LRP5: variants seen among roughly 807,000 people sequenced by gnomAD.
LRP5 encodes LDL receptor related protein 5.
LRP5 carries 62 observed loss-of-function variants against 154.1 expected under a neutral mutation model. The ratio of observed to expected loss-of-function variants is 0.40; its 90% CI spans 0.33 to 0.50. The LOEUF is 0.50. Ranked by LOEUF, LRP5 falls within the 20% of genes least tolerant of loss-of-function variation. The probability of loss-of-function intolerance (pLI) is 0.55; values close to 1 mark genes in which losing one functional copy is unlikely to be tolerated. For synonymous variants in LRP5, 966 were observed against 1,011.5 expected (o/e 0.96, Z 0.85); for missense variants, 1,915 against 2,336.7 (o/e 0.82, Z 3.72).
chr11:68,341,208 G>A (rs312779), intron 1 of LRP5, among the ~76,000 whole-genome samples: 66,860 of 151,522 alleles, frequency 0.44, 16,303 homozygotes, highest in African/African-American at 0.63. Flanking sequence ...TTCATGATGC[G>A]GCAGTCACCA....
At chr11:68,427,362 C>T (rs2098669366) in intron 16 of LRP5, among the ~76,000 whole-genome samples, 1 of 152,096 alleles carries the variant, frequency 6.6e-6, no homozygotes, top group South Asian at 2.1e-4. Context: ...ATGGTGAGAA[C>T]CCATCCCTAC....
chr11:68,378,718 C>T (rs1165603531), intron 5 of LRP5, among the ~76,000 whole-genome samples: 1 of 152,214 alleles, frequency 6.6e-6, no homozygotes, highest in East Asian at 1.9e-4. Context: ...GTATCTTGTG[C>T]ACCTTTTTTC....
At chr11:68,435,483 G>GGA (rs10634157) in intron 18 of LRP5, among the ~76,000 whole-genome samples, 18 of 150,234 alleles carry the variant, frequency 1.2e-4, no homozygotes, top group South Asian at 1.1e-3. Flanking sequence ...AGGGAGCAAC[G>GGA]GAGAGAGAGA....
At chr11:68,372,758 G>A (rs2098634971) in intron 5 of LRP5, among the ~76,000 whole-genome samples, 1 of 152,124 alleles carries the variant, frequency 6.6e-6, no homozygotes, top group Non-Finnish European at 1.5e-5. Flanking sequence ...AGCTTCCAAG[G>A]CTGGGTGCTG....
intron 5 of LRP5, among the ~76,000 whole-genome samples, chr11:68,367,443 C>T (rs1012571335): frequency 8.5e-5 from 13 of 152,232 alleles, no homozygotes; most frequent in Admixed American, 2.6e-4. Context: ...TGGTCTCCCT[C>T]GCAGACTGCC....
chr11:68,346,860 T>G, intron 1 of LRP5, among the ~76,000 whole-genome samples: 1 of 152,230 alleles, frequency 6.6e-6, no homozygotes, highest in East Asian at 1.9e-4. Context: ...CCTCTGAGTC[T>G]GTGTTGGGGG....
chr11:68,379,935 C>T (rs1052577234), intron 5 of LRP5, among the ~76,000 whole-genome samples: 4 of 152,204 alleles, frequency 2.6e-5, no homozygotes, highest in African/African-American at 9.7e-5. Context: ...AGTTCCAGAC[C>T]AGCCTGGCCA....
intron 5 of LRP5, among the ~76,000 whole-genome samples, chr11:68,385,863 C>A (rs929401218): frequency 2.0e-5 from 3 of 151,958 alleles, no homozygotes; most frequent in African/African-American, 7.3e-5. Flanking sequence ...AAGGGTGAGC[C>A]CCTGCAAGGT....
intron 5 of LRP5, among the ~76,000 whole-genome samples, chr11:68,368,028 A>G (rs571977910): frequency 1.1e-4 from 17 of 150,244 alleles, no homozygotes; most frequent in African/African-American, 2.5e-4. Flanking sequence ...TCATGCCGCT[A>G]TACTCCAGCC....
At chr11:68,399,828 G>A (rs1437191103) in intron 7 of LRP5, among the ~76,000 whole-genome samples, 3 of 152,248 alleles carry the variant, frequency 2.0e-5, no homozygotes, top group Non-Finnish European at 4.4e-5. Context: ...GTCAAGATGT[G>A]CTGAAAGTTG....
intron 13 of LRP5, among the ~76,000 whole-genome samples, chr11:68,422,029 G>A (rs1297403380): frequency 6.6e-6 from 1 of 152,164 alleles, no homozygotes; most frequent in African/African-American, 2.4e-5. Context: ...CCAGGCTGAA[G>A]CGATCCTCCC....
intron 1 of LRP5, among the ~76,000 whole-genome samples, chr11:68,319,367 C>T (rs573240231): frequency 6.6e-6 from 1 of 152,080 alleles, no homozygotes; most frequent in African/African-American, 2.4e-5. Context: ...CATGCCCAGC[C>T]TGCCTGGCTG....
At chr11:68,319,116 G>A (rs747128302) in intron 1 of LRP5, among the ~76,000 whole-genome samples, 7 of 122,436 alleles carry the variant, frequency 5.7e-5, no homozygotes, top group Admixed American at 1.1e-4. Flanking sequence ...TCTCACTCAC[G>A]CCCAGGATGG....
intron 3 of LRP5, among the ~76,000 whole-genome samples, chr11:68,359,141 A>G (rs1565343615): frequency 6.6e-6 from 1 of 152,102 alleles, no homozygotes; most frequent in Non-Finnish European, 1.5e-5. Flanking sequence ...ATGGGGAGGG[A>G]GTCAGTGATG....
At chr11:68,373,586 T>C (rs1313255878) in intron 5 of LRP5, among the ~76,000 whole-genome samples, 1 of 152,124 alleles carries the variant, frequency 6.6e-6, no homozygotes, top group Non-Finnish European at 1.5e-5. Flanking sequence ...CCATGGCGGC[T>C]GCGATGCTGC....
At chr11:68,373,273 G>C (rs2098635360) in intron 5 of LRP5, among the ~76,000 whole-genome samples, 2 of 152,210 alleles carry the variant, frequency 1.3e-5, no homozygotes, top group Admixed American at 1.3e-4. Context: ...TAGGGAGTCA[G>C]GTGCCTTCCC....
At chr11:68,368,981 G>A (rs1217063860) in intron 5 of LRP5, among the ~76,000 whole-genome samples, 1 of 151,958 alleles carries the variant, frequency 6.6e-6, no homozygotes, top group African/African-American at 2.4e-5. Flanking sequence ...GGGATTACAG[G>A]CGCCCGCTAC....
Position 68,365,485 on chromosome 11 carries a change from G to A in LRP5, c.884-86G>A, listed in dbSNP as rs1359743060. 14 of 1,600,334 alleles carry A rather than the reference G, an allele frequency of 8.7e-6. 1 individual carries two copies. Among genetic ancestry groups the A allele is most frequent in the African/African-American group, 6.7e-5 (5 of 74,606 alleles). On this transcript the variant is annotated intron_variant, in intron 4 of 22. Coordinates refer to ENST00000294304, the MANE Select transcript of LRP5 (RefSeq NM_002335.4). The stretch of plus-strand genomic sequence containing the variant: ...AGAGGGACACACTGGAGGCTGTCAC[G>A]GGGGACGAGGCAGGATGTGACTCAT...
At chr11:68,431,039 G>A (rs1343414689) in intron 17 of LRP5, among the ~76,000 whole-genome samples, 1 of 152,184 alleles carries the variant, frequency 6.6e-6, no homozygotes, top group East Asian at 1.9e-4. Flanking sequence ...GGGTGTGGCA[G>A]TAGTAATAAA....
Sources: gnomAD v4.1 joint callset for allele counts (sites outside exome capture counted in the v4.1 genomes callset) on GRCh38, gnomAD v4.1.1 for gene constraint, MANE v1.5 for transcripts, NCBI Gene and HGNC (gene_info 2026-07-23, HGNC 2026-07-21) for gene names.